Variants in RPTOR observed in about 807,000 individuals in gnomAD.
RPTOR encodes regulatory associated protein of MTOR complex 1.
A neutral mutation model predicts 169.9 loss-of-function variants in RPTOR; 21 were observed. The observed-to-expected ratio is 0.12, with a 90% confidence interval of 0.09 to 0.18. RPTOR has a LOEUF of 0.18. Ranked by LOEUF, RPTOR falls within the 10% of genes least tolerant of loss-of-function variation. The probability of loss-of-function intolerance (pLI) is 1.00; values close to 1 mark genes in which losing one functional copy is unlikely to be tolerated. For synonymous variants in RPTOR, 732 were observed against 753.2 expected, an observed-to-expected ratio of 0.97 and a Z score of 0.46; for missense variants, 1,133 against 1,855.9, an observed-to-expected ratio of 0.61 and a Z score of 7.16.
At chr17:80,828,505 G>A (rs2067469402) in intron 9 of RPTOR, among the ~76,000 whole-genome samples, 1 of 152,200 alleles carries the variant, frequency 6.6e-6, no homozygotes, top group African/African-American at 2.4e-5. Context: ...CCTGGCTTGG[G>A]CCTGCCCTTG....
At chr17:80,740,647 C>T (rs1439385978) in intron 5 of RPTOR, among the ~76,000 whole-genome samples, 2 of 151,458 alleles carry the variant, frequency 1.3e-5, no homozygotes, top group African/African-American at 4.9e-5. Context: ...TACTTCATAC[C>T]AACAGACTAA....
At chr17:80,885,543 G>GT (rs1312766890) in intron 17 of RPTOR, among the ~76,000 whole-genome samples, 1 of 152,078 alleles carries the variant, frequency 6.6e-6, no homozygotes, top group Admixed American at 6.6e-5. Flanking sequence ...GTTTTGTTTT[G>GT]TTTTGTTTTT....
chr17:80,712,280 G>T (rs1315668450), intron 4 of RPTOR, among the ~76,000 whole-genome samples: 5 of 152,136 alleles, frequency 3.3e-5, no homozygotes, highest in African/African-American at 7.2e-5. Context: ...TGCAGATTTT[G>T]CTGAATGTGT....
At chr17:80,568,976 TTAAGCCAACTCA>T (rs1466745672) in intron 1 of RPTOR, among the ~76,000 whole-genome samples, 1 of 152,224 alleles carries the variant, frequency 6.6e-6, no homozygotes, top group East Asian at 1.9e-4. Context: ...TACCATGCTC[TTAAGCCAACTCA>T]TCCGATGTAT....
intron 10 of RPTOR, 27 bp downstream of exon 10, chr17:80,838,024 C>T (rs1044347777): frequency 3.8e-6 from 6 of 1,584,558 alleles, no homozygotes; most frequent in Non-Finnish European, 8.6e-7. Context: ...GCACCCTGTG[C>T]ATCCGCGGCG....
chr17:80,916,537 A>C (rs538299277), intron 21 of RPTOR, among the ~76,000 whole-genome samples: 1 of 152,354 alleles, frequency 6.6e-6, no homozygotes, highest in Admixed American at 6.5e-5. Flanking sequence ...AGTGTGAGCC[A>C]AGCGCAGCCT....
intron 3 of RPTOR, among the ~76,000 whole-genome samples, chr17:80,657,724 A>T (rs754737656): frequency 8.5e-5 from 13 of 152,128 alleles, no homozygotes; most frequent in Non-Finnish European, 1.3e-4. Context: ...TTACTGGGGC[A>T]TTTATTTACT....
intron 5 of RPTOR, among the ~76,000 whole-genome samples, chr17:80,749,029 G>C (rs1331870228): frequency 2.7e-5 from 1 of 37,338 alleles, no homozygotes; most frequent in African/African-American, 9.8e-5. Flanking sequence ...GGCCGTGGCG[G>C]GAGGACCTGT....
At chr17:80,672,023 C>T (rs913526542) in intron 3 of RPTOR, among the ~76,000 whole-genome samples, 1 of 152,012 alleles carries the variant, frequency 6.6e-6, no homozygotes, top group Non-Finnish European at 1.5e-5. Flanking sequence ...TACAATGGTT[C>T]GTAGGTTGAT....
At chr17:80,956,682 T>A (rs976811729) in intron 28 of RPTOR, among the ~76,000 whole-genome samples, 4 of 152,254 alleles carry the variant, frequency 2.6e-5, no homozygotes, top group African/African-American at 9.6e-5. Flanking sequence ...TGCAAGGGTC[T>A]GCTCCAGATG....
intron 7 of RPTOR, among the ~76,000 whole-genome samples, chr17:80,810,969 G>A (rs1425987164): frequency 6.6e-6 from 1 of 152,178 alleles, no homozygotes; most frequent in East Asian, 1.9e-4. Flanking sequence ...GGCTCTGGGA[G>A]CTGTTTGAAA....
At chr17:80,681,870 G>A (rs1045430842) in intron 3 of RPTOR, among the ~76,000 whole-genome samples, 14 of 151,406 alleles carry the variant, frequency 9.2e-5, no homozygotes, top group Non-Finnish European at 2.9e-5. Flanking sequence ...GATAATAAAC[G>A]TAGTTACAAT....
At chr17:80,898,909 C>T (rs993531796) in intron 20 of RPTOR, among the ~76,000 whole-genome samples, 2 of 151,966 alleles carry the variant, frequency 1.3e-5, no homozygotes, top group African/African-American at 4.8e-5. Flanking sequence ...CCGAAACAGA[C>T]GCAGGGCATC....
chr17:80,573,613 T>C (rs2064930432), intron 1 of RPTOR, among the ~76,000 whole-genome samples: 1 of 152,218 alleles, frequency 6.6e-6, no homozygotes. Context: ...TTGCTTTATA[T>C]GCAGCATTCA....
chr17:80,620,534 G>A (rs1293907906), intron 1 of RPTOR, among the ~76,000 whole-genome samples: 3 of 152,344 alleles, frequency 2.0e-5, no homozygotes, highest in South Asian at 2.1e-4. Flanking sequence ...GGAGGCGGAT[G>A]CTGCCAGATC....
intron 9 of RPTOR, among the ~76,000 whole-genome samples, chr17:80,830,759 T>G (rs925666455): frequency 3.3e-5 from 5 of 151,662 alleles, no homozygotes; most frequent in African/African-American, 1.2e-4. Flanking sequence ...CATCTTTTTT[T>G]TTTTTTTCGG....
intron 3 of RPTOR, among the ~76,000 whole-genome samples, chr17:80,665,296 G>A (rs1231986629): frequency 6.7e-6 from 1 of 149,946 alleles, no homozygotes; most frequent in East Asian, 2.0e-4. Flanking sequence ...CACACTGCTT[G>A]TTTTCTTCTT....
At chr17:80,670,838 A>G (rs1473591266) in intron 3 of RPTOR, among the ~76,000 whole-genome samples, 2 of 150,412 alleles carry the variant, frequency 1.3e-5, no homozygotes, top group Admixed American at 1.3e-4. Flanking sequence ...TGAAGCATAA[A>G]CCCTCCCCGG....
At chr17:80,553,314 A>C (rs1357975211) in intron 1 of RPTOR, among the ~76,000 whole-genome samples, 1 of 152,176 alleles carries the variant, frequency 6.6e-6, no homozygotes, top group East Asian at 1.9e-4. Flanking sequence ...GCACGTCCCA[A>C]AGGAATCACC....
Sources: gnomAD v4.1 joint callset for allele counts (sites outside exome capture counted in the v4.1 genomes callset) on GRCh38, gnomAD v4.1.1 for gene constraint, MANE v1.5 for transcripts, NCBI Gene and HGNC (gene_info 2026-07-23, HGNC 2026-07-21) for gene names.